The following SLC22A11 variants were observed in gnomAD, a reference collection of about 807,000 sequenced individuals.
The protein encoded by SLC22A11 is solute carrier family 22 member 11, also known as organic anion transporter 4.
In SLC22A11, 42 loss-of-function variants were observed where a neutral mutation model predicts 49.4. That is an observed-to-expected ratio of 0.85 (90% CI 0.66 to 1.10). The LOEUF (loss-of-function observed/expected upper bound fraction) is 1.10, where lower values mean the gene tolerates loss of function less well. Among genes scored for constraint, SLC22A11 ranks in the 50% least tolerant of loss-of-function variants. The pLI is 0.00. For synonymous variants in SLC22A11, 304 were observed against 315.8 expected (o/e 0.96, Z 0.40); for missense variants, 685 against 731.6 (o/e 0.94, Z 0.74).
At position 64,565,659 on chromosome 11, in the gene SLC22A11, C is replaced by G. The variant is rs1420396584; in HGVS notation, c.1058+322C>G. The G allele has an allele frequency of 4.4e-6, 2 of 456,660 alleles. No individual in the cohort carries two copies. The highest frequency in any genetic ancestry group is 8.6e-6 in the Non-Finnish European group (2 of 233,808). 28.3% of individuals were successfully genotyped at this position (456,660 alleles called of 1,614,324 possible). A position where few individuals can be genotyped will look rare whatever the true frequency, so the allele number is the denominator to read the frequency against. Reference sequence around the variant, plus strand: ...AGGGTCCCTAGAGCCAGGGGACCAGCCACGGCCGAGGAGTACCACTGTGTG... The same window carrying G: ...AGGGTCCCTAGAGCCAGGGGACCAGGCACGGCCGAGGAGTACCACTGTGTG... On this transcript the variant is annotated intron_variant, in intron 6 of 9. Coordinates refer to ENST00000301891, the MANE Select transcript of SLC22A11 (RefSeq NM_018484.4). The surrounding 1 kb of genome is among the most constrained non-coding windows in gnomAD (Gnocchi z 4.1).
chr11:64,557,042 A>G lies in SLC22A11; in HGVS notation c.393+650A>G, dbSNP rs1364316789. On this transcript the variant is annotated intron_variant, in intron 1 of 9. Coordinates refer to ENST00000301891, the MANE Select transcript of SLC22A11 (RefSeq NM_018484.4). ...GGCTCCGGTTCCAACATGAGCAGGG[A>G]GACTTCAAGAAGCATCCATTCCACC... 2.6e-5 allele frequency among the ~76,000 whole-genome samples: 4 copies of G among 152,326 alleles called. No individual in the cohort carries two copies. The East Asian group carries it at 7.7e-4, about 29-fold the overall frequency.
intron 2 of SLC22A11, among the ~76,000 whole-genome samples, chr11:64,560,166 C>T (rs950469613): frequency 1.3e-5 from 2 of 151,932 alleles, no homozygotes; most frequent in Non-Finnish European, 1.5e-5. Flanking sequence ...CTTCCTCACC[C>T]CCACACTCAC....
rs1021320097 is a variant in SLC22A11 at position 64,562,627 on chromosome 11, C to T, written c.821+192C>T. On this transcript the variant is annotated intron_variant, in intron 4 of 9. Transcript: ENST00000301891. The surrounding 1 kb of genome is among the most constrained non-coding windows in gnomAD (Gnocchi z 4.4). ...GGGCTAAGTGTTGCAGCCCGAGGTCCGTGGCTCCCATCCAGCCCAGACAGG... is the reference window on the plus strand; with the variant it reads ...GGGCTAAGTGTTGCAGCCCGAGGTCTGTGGCTCCCATCCAGCCCAGACAGG... 1.3e-5 allele frequency among the ~76,000 whole-genome samples: 2 copies of T among 152,152 alleles called. No individual in the cohort carries two copies. The highest frequency in any genetic ancestry group is 2.4e-5 in the African/African-American group (1 of 41,428).
Position 64,562,500 on chromosome 11 carries a change from C to T in SLC22A11, c.821+65C>T. 1 of 1,469,412 alleles carries T rather than the reference C, an allele frequency of 6.8e-7. No individual in the cohort carries two copies. Among genetic ancestry groups the T allele is most frequent in the Admixed American group, 2.3e-5 (1 of 42,642 alleles). The allele number at this position is 1,469,412 out of a possible 1,614,324, so 91.0% of individuals were successfully genotyped here. The stretch of plus-strand genomic sequence containing the variant: ...GTGGGAGGGGGACTCTTCACTTTCA[C>T]CTCTCTGGCTGGCAGTAGGTCCAGA... On this transcript the variant is annotated intron_variant, in intron 4 of 9. Coordinates refer to ENST00000301891, the MANE Select transcript of SLC22A11 (RefSeq NM_018484.4). This position sits in a 1 kb window ranked among gnomAD's most constrained non-coding sequence, Gnocchi z 4.4.
chr11:64,556,035 C>T lies in SLC22A11; in HGVS notation c.36C>T (p.Gly12=), dbSNP rs72559736. ...CGAAGCTCTTGGAGCAAGCCGGAGG[C>T]GTGGGCCTCTTCCAGACCCTGCAGG... ...AFSKLLEQAG[G]VGLFQTLQVL... is the part of the protein sequence containing the mutation. The change falls in exon 1 of 10, where the codon GGC becomes GGT. Residue 12 remains glycine, a synonymous_variant. Transcript: ENST00000301891. 1,862 of 1,612,884 alleles carry T rather than the reference C, an allele frequency of 1.2e-3. 22 individuals are homozygous for T. In the African/African-American group the frequency reaches 0.021, roughly 18 times the overall value.
intron 1 of SLC22A11, among the ~76,000 whole-genome samples, 186 bp downstream of exon 1, chr11:64,556,578 G>A (rs1386507522): frequency 2.0e-5 from 3 of 152,236 alleles, no homozygotes; most frequent in Non-Finnish European, 4.4e-5. Flanking sequence ...GCCAGCCCAG[G>A]CTCCTGGTAG....
chr11:64,559,913 T>C (rs1158205474), intron 2 of SLC22A11, among the ~76,000 whole-genome samples: 2 of 152,094 alleles, frequency 1.3e-5, no homozygotes, highest in Non-Finnish European at 2.9e-5. Context: ...GGAGAAGCGT[T>C]CTCTGTGACA....
At chr11:64,559,100 C>A (rs758977908) in intron 1 of SLC22A11, 35 bp from the exon 2 acceptor site, 6 of 1,575,588 alleles carry the variant, frequency 3.8e-6, no homozygotes, top group Non-Finnish European at 5.2e-6. Flanking sequence ...GATTTCATAC[C>A]CCCCGAGCTG....
rs869085115 is a variant in SLC22A11 at position 64,563,610 on chromosome 11, T to TAAAA, written c.822-673_822-670dup. Among the ~76,000 whole-genome samples, 10 of 43,854 alleles carry TAAAA rather than the reference T, an allele frequency of 2.3e-4. 3 individuals carry two copies. The highest frequency in any genetic ancestry group is 9.6e-4 in the African/African-American group (9 of 9,358). 28.8% of individuals were successfully genotyped at this position (43,854 alleles called of 152,430 possible). A position where few individuals can be genotyped will look rare whatever the true frequency, so the allele number is the denominator to read the frequency against. ...CTGCCTGGGGATATTTTAAATGTGC[T>TAAAA]AAAAAAAAAAAAAAAAAAAAAAAAA... On this transcript the variant is annotated intron_variant, in intron 4 of 9. Coordinates refer to ENST00000301891, the MANE Select transcript of SLC22A11 (RefSeq NM_018484.4).
In SLC22A11 at chr11:64,565,839, A is replaced by T. The variant is rs1340725610; in HGVS notation, c.1058+502A>T. 1 of 287,734 alleles carries T rather than the reference A, an allele frequency of 3.5e-6. No individual in the cohort carries two copies. Among genetic ancestry groups the T allele is most frequent in the Non-Finnish European group, 7.0e-6 (1 of 143,000 alleles). The allele number at this position is 287,734 out of a possible 1,614,324, so 17.8% of individuals were successfully genotyped here. ...ACAAGCCCAAAATAATAGAGCCTGC[A>T]TTGGAACCGGGCTGAGCTAACACTT... On this transcript the variant is annotated intron_variant, in intron 6 of 9. Coordinates refer to ENST00000301891, the MANE Select transcript of SLC22A11 (RefSeq NM_018484.4). The surrounding 1 kb of genome is among the most constrained non-coding windows in gnomAD (Gnocchi z 4.1).
Position 64,571,199 on chromosome 11 carries a change from T to C in SLC22A11, c.*157T>C. ...GAGTGGACAGCGTGGCCGTCTGCTGTGGCTGAAGGCAGCTTCCACAGCTCA... is the reference window on the plus strand; with the variant it reads ...GAGTGGACAGCGTGGCCGTCTGCTGCGGCTGAAGGCAGCTTCCACAGCTCA... On this transcript the variant is annotated 3_prime_UTR_variant, in exon 10 of 10. Transcript: ENST00000301891. The C allele has an allele frequency of 2.8e-6, 2 of 713,564 alleles. No homozygotes were observed. Among genetic ancestry groups the C allele is most frequent in the Non-Finnish European group, 4.7e-6 (2 of 422,728 alleles). The allele number at this position is 713,564 out of a possible 1,614,324, so 44.2% of individuals were successfully genotyped here. A position where few individuals can be genotyped will look rare whatever the true frequency, so the allele number is the denominator to read the frequency against.
intron 2 of SLC22A11, among the ~76,000 whole-genome samples, chr11:64,561,104 G>A (rs113420662): frequency 8.1e-4 from 124 of 152,366 alleles, no homozygotes; most frequent in Middle Eastern, 3.4e-3. Context: ...ACGGGCTTGA[G>A]TGGCACTAAA....
chr11:64,568,665 C>G lies in SLC22A11; in HGVS notation c.1274-5C>G. 6.2e-7 allele frequency: 1 copy of G among 1,613,662 alleles called. No individual in the cohort carries two copies. Among genetic ancestry groups the G allele is most frequent in the Non-Finnish European group, 8.5e-7 (1 of 1,179,592 alleles). Reference sequence around the variant, plus strand: ...ACCCCACTCTCACCCCCTTCCTGTACCCAGATTTGCAGACCCTGCGTGTGG... The same window carrying G: ...ACCCCACTCTCACCCCCTTCCTGTAGCCAGATTTGCAGACCCTGCGTGTGG... On this transcript the variant is annotated splice_region_variant and splice_polypyrimidine_tract_variant and intron_variant, in intron 7 of 9. Coordinates refer to ENST00000301891, the MANE Select transcript of SLC22A11 (RefSeq NM_018484.4).
intron 2 of SLC22A11, among the ~76,000 whole-genome samples, chr11:64,561,073 C>T (rs554200594): frequency 2.6e-5 from 4 of 152,316 alleles, no homozygotes; most frequent in Non-Finnish European, 5.9e-5. Flanking sequence ...AGGTCTGCCT[C>T]GCATCTCCGT....
intron 4 of SLC22A11, among the ~76,000 whole-genome samples, chr11:64,563,297 G>A (rs2038575941): frequency 6.6e-6 from 1 of 152,028 alleles, no homozygotes; most frequent in Admixed American, 6.6e-5. Flanking sequence ...AAGATGATGC[G>A]ATTACCACCA....
Position 64,559,105 on chromosome 11 carries a change from G to A in SLC22A11, c.394-30G>A, listed in dbSNP as rs776979991. The A allele has an allele frequency of 1.9e-5, 31 of 1,594,326 alleles. No homozygotes were observed. In the East Asian group the frequency reaches 2.9e-4, roughly 15 times the overall value. On this transcript the variant is annotated intron_variant, in intron 1 of 9. Transcript: ENST00000301891. ...CCAGCCCTGTGATTTCATACCCCCC[G>A]AGCTGAGCCACTGCACCCTCCTCTT...
rs779422567 is a variant in SLC22A11, at chr11:64,562,148, A to G, written c.642A>G (p.Ser214=). 6.2e-7 allele frequency: 1 copy of G among 1,613,584 alleles called. No homozygotes were observed. Among genetic ancestry groups the G allele is most frequent in the South Asian group, 1.1e-5 (1 of 91,030 alleles). ...GGATGGCCGGCATCTTTCTGAGTTC[A>G]CTGACACTGAGTGAGTCCCCGGCTC... ...AFGMAGIFLS[S]LTLMVEWTTT... Residue 214 remains serine (S), a synonymous_variant, in exon 3 of 10, where the codon TCA becomes TCG. Transcript: ENST00000301891. The surrounding 1 kb of genome is among the most constrained non-coding windows in gnomAD (Gnocchi z 4.4).
Position 64,562,131 on chromosome 11 carries a change from G to T in SLC22A11, c.625G>T (p.Gly209Cys), listed in dbSNP as rs765739605. The change falls in exon 3 of 10, where the codon GGC (glycine) becomes TGC (cysteine). Residue 209 changes from glycine to cysteine, a missense_variant. Transcript: ENST00000301891. This position sits in a 1 kb window ranked among gnomAD's most constrained non-coding sequence, Gnocchi z 4.4. ...LRFVAAFGMA[G>C]IFLSSLTLMV... ...GTTCGTGGCCGCTTTTGGGATGGCC[G>T]GCATCTTTCTGAGTTCACTGACACT... 1.9e-6 allele frequency: 3 copies of T among 1,613,764 alleles called. No individual in the cohort carries two copies. The South Asian group carries it at 3.3e-5, about 18-fold the overall frequency.
In SLC22A11 at chr11:64,562,406, G is replaced by A. The variant is rs749284990; in HGVS notation, c.792G>A (p.Val264=). The part of the protein sequence containing the change: ...DWRTLQLAAS[V]PFFAISLISW... ...GGACTCTCCAGCTGGCAGCATCAGT[G>A]CCCTTCTTTGCCATCTCCCTGATAT... The change falls in exon 4 of 10, where the codon GTG becomes GTA. Residue 264 remains valine, a synonymous_variant. Coordinates refer to ENST00000301891, the MANE Select transcript of SLC22A11 (RefSeq NM_018484.4). The surrounding 1 kb of genome is among the most constrained non-coding windows in gnomAD (Gnocchi z 4.4). 7 of 1,593,684 alleles carry A rather than the reference G, an allele frequency of 4.4e-6. No individual in the cohort carries two copies. The highest frequency in any genetic ancestry group is 1.7e-4 in the Middle Eastern group (1 of 5,988).
Sources: gnomAD v4.1 joint callset for allele counts (sites outside exome capture counted in the v4.1 genomes callset) on GRCh38, gnomAD v4.1.1 for gene constraint, Gnocchi (gnomAD v3.1) non-coding constraint, MANE v1.5 for transcripts, NCBI Gene and HGNC (gene_info 2026-07-23, HGNC 2026-07-21) for gene names.